Variants in CFAP61 observed in about 807,000 individuals in gnomAD.
CFAP61 encodes the protein cilia- and flagella-associated protein 61.
A neutral mutation model predicts 135.6 loss-of-function variants in CFAP61; 107 were observed. The ratio of observed to expected loss-of-function variants is 0.79; its 90% CI spans 0.67 to 0.93. CFAP61 has a LOEUF of 0.93. Among genes scored for constraint, CFAP61 ranks in the 40% least tolerant of loss-of-function variants. The probability of loss-of-function intolerance (pLI) is 0.00; values close to 1 mark genes in which losing one functional copy is unlikely to be tolerated. For synonymous variants in CFAP61, 575 were observed against 578.5 expected (o/e 0.99, Z 0.09); for missense variants, 1,507 against 1,556.2 (o/e 0.97, Z 0.53).
At chr20:20,333,203 T>C (rs767536) in intron 25 of CFAP61, among the ~76,000 whole-genome samples, 65,978 of 152,014 alleles carry the variant, frequency 0.43, 14,595 homozygotes, top group East Asian at 0.54. Context: ...TTAAGAACAA[T>C]AGCAGTAATA....
intron 16 of CFAP61, among the ~76,000 whole-genome samples, chr20:20,199,309 CAGG>C (rs1426919347): frequency 6.6e-6 from 1 of 152,100 alleles, no homozygotes; most frequent in Non-Finnish European, 1.5e-5. Flanking sequence ...GACTTACAAA[CAGG>C]AGGATTTTCA....
intron 8 of CFAP61, among the ~76,000 whole-genome samples, chr20:20,126,123 G>A (rs763800653): frequency 6.6e-6 from 1 of 151,652 alleles, no homozygotes; most frequent in Non-Finnish European, 1.5e-5. Flanking sequence ...TGAGTCTCCT[G>A]AAGGTAGCAG....
chr20:20,266,616 T>C (rs1402740555), intron 21 of CFAP61, among the ~76,000 whole-genome samples: 1 of 152,238 alleles, frequency 6.6e-6, no homozygotes, highest in Non-Finnish European at 1.5e-5. Flanking sequence ...AAGAGAACCC[T>C]TGAATGAAAT....
intron 10 of CFAP61, among the ~76,000 whole-genome samples, chr20:20,161,865 C>G (rs1454352882): frequency 1.3e-5 from 2 of 151,428 alleles, no homozygotes; most frequent in African/African-American, 4.9e-5. Context: ...ACAGCCCCTC[C>G]TCCAGCCACG....
chr20:20,093,343 T>C (rs1192945484), intron 7 of CFAP61, among the ~76,000 whole-genome samples: 4 of 151,978 alleles, frequency 2.6e-5, no homozygotes, highest in Admixed American at 2.0e-4. Flanking sequence ...TAGTCGTTGG[T>C]TGGTGGGGGG....
intron 25 of CFAP61, among the ~76,000 whole-genome samples, chr20:20,307,124 G>A (rs1423999147): frequency 2.0e-5 from 3 of 152,088 alleles, no homozygotes; most frequent in Non-Finnish European, 4.4e-5. Flanking sequence ...GTGCCCCTGT[G>A]CACACTTGGT....
At chr20:20,279,065 T>A (rs1247741389) in intron 22 of CFAP61, among the ~76,000 whole-genome samples, 1 of 152,144 alleles carries the variant, frequency 6.6e-6, no homozygotes, top group Admixed American at 6.5e-5. Context: ...GATTGCCACG[T>A]TTATTCTGGA....
Position 20,304,677 on chromosome 20 carries a change from T to C in CFAP61, c.3422+6291T>C, listed in dbSNP as rs548789875. 3.9e-5 allele frequency among the ~76,000 whole-genome samples: 6 copies of C among 152,110 alleles called. No individual in the cohort carries two copies. The East Asian group carries it at 1.2e-3, about 30-fold the overall frequency. ...CAGTATTTAGAATGGCAGCACCTTC[T>C]GCCCTGCTGAAAATGCTCCTCCCTT... On this transcript the variant is annotated intron_variant, in intron 25 of 26. Coordinates refer to ENST00000245957, the MANE Select transcript of CFAP61 (RefSeq NM_015585.4).
chr20:20,234,346 C>T (rs2049408841), intron 18 of CFAP61, among the ~76,000 whole-genome samples: 2 of 152,060 alleles, frequency 1.3e-5, no homozygotes, highest in South Asian at 4.2e-4. Flanking sequence ...TCTGGAGTGC[C>T]CTTATGGTCC....
chr20:20,057,276 C>T (rs2044432078), intron 2 of CFAP61, among the ~76,000 whole-genome samples: 1 of 152,240 alleles, frequency 6.6e-6, no homozygotes, highest in South Asian at 2.1e-4. Flanking sequence ...ACAACAAATT[C>T]CTATTTCCTA....
At chr20:20,183,079 C>T (rs989537444) in intron 13 of CFAP61, among the ~76,000 whole-genome samples, 30 of 152,146 alleles carry the variant, frequency 2.0e-4, no homozygotes, top group African/African-American at 6.3e-4. Flanking sequence ...ATATATAGAG[C>T]CACCTTGCCT....
chr20:20,076,855 C>T (rs1379586068), intron 6 of CFAP61, among the ~76,000 whole-genome samples: 1 of 152,156 alleles, frequency 6.6e-6, no homozygotes, highest in Non-Finnish European at 1.5e-5. Context: ...GGTGGGTTAA[C>T]TTACAAAAGG....
chr20:20,139,896 A>T (rs912753606), intron 8 of CFAP61, among the ~76,000 whole-genome samples: 20 of 152,358 alleles, frequency 1.3e-4, no homozygotes, highest in African/African-American at 4.8e-4. Context: ...AGAAGCATGC[A>T]CAGTGAATGT....
chr20:20,268,941 A>C (rs2147024792), intron 21 of CFAP61, among the ~76,000 whole-genome samples: 1 of 152,120 alleles, frequency 6.6e-6, no homozygotes, highest in East Asian at 1.9e-4. Flanking sequence ...GGAAAAGTAT[A>C]ACATTAAAAT....
chr20:20,216,190 CTGAATGCT>C (rs2048027444), intron 17 of CFAP61, among the ~76,000 whole-genome samples: 1 of 152,174 alleles, frequency 6.6e-6, no homozygotes, highest in Non-Finnish European at 1.5e-5. Context: ...TGTTTGGAAG[CTGAATGCT>C]ACACAGTTAT....
intron 8 of CFAP61, among the ~76,000 whole-genome samples, chr20:20,133,085 C>T (rs1444224143): frequency 6.6e-6 from 1 of 151,976 alleles, no homozygotes; most frequent in African/African-American, 2.4e-5. Flanking sequence ...GTGTTTTATT[C>T]TTTCTTACTA....
chr20:20,152,562 A>G (rs990601386), intron 9 of CFAP61, among the ~76,000 whole-genome samples: 8 of 152,216 alleles, frequency 5.3e-5, no homozygotes, highest in African/African-American at 1.7e-4. Flanking sequence ...AAAAATGAGG[A>G]AGAGTAACTA....
chr20:20,150,234 C>T (rs1166580275), intron 9 of CFAP61, among the ~76,000 whole-genome samples: 1 of 152,050 alleles, frequency 6.6e-6, no homozygotes, highest in African/African-American at 2.4e-5. Flanking sequence ...TGAGCTCAGA[C>T]CTGCCTATTC....
chr20:20,250,900 C>T (rs143612206), intron 19 of CFAP61, among the ~76,000 whole-genome samples: 16 of 152,350 alleles, frequency 1.1e-4, no homozygotes, highest in Non-Finnish European at 1.5e-4. Flanking sequence ...AGCCACAGCA[C>T]GCTGAAGCCA....
Sources: gnomAD v4.1 joint callset for allele counts (sites outside exome capture counted in the v4.1 genomes callset) on GRCh38, gnomAD v4.1.1 for gene constraint, MANE v1.5 for transcripts, NCBI Gene and HGNC (gene_info 2026-07-23, HGNC 2026-07-21) for gene names.